The following EGF variants were observed in gnomAD, a reference collection of about 807,000 sequenced individuals.
EGF encodes pro-epidermal growth factor.
Under a neutral mutation model 143.8 loss-of-function variants are expected in EGF, and 95 were observed. That is an observed-to-expected ratio of 0.66 (90% confidence interval 0.56 to 0.78). EGF has a LOEUF of 0.78. Among genes scored for constraint, EGF ranks in the 30% least tolerant of loss-of-function variants. EGF has a pLI of 0.00. For missense variants in EGF, 1,320 were observed against 1,470.9 expected (o/e 0.90, Z 1.68); for synonymous variants, 510 against 510.5 (o/e 1.00, Z 0.01).
chr4:109,980,680 A>G (rs1206634256), intron 14 of EGF, 146 bp from the exon 15 acceptor site: 1 of 879,808 alleles, frequency 1.1e-6, no homozygotes, highest in African/African-American at 1.7e-5. Context: ...CTCTTCTGAA[A>G]TAGCTATTGA....
At position 110,011,417 on chromosome 4, in the gene EGF, G is replaced by A. The variant is rs2126206950; in HGVS notation, c.3586G>A (p.Ala1196Thr). 24 of 1,614,156 alleles carry A rather than the reference G, an allele frequency of 1.5e-5. No homozygotes were observed. The highest frequency in any genetic ancestry group is 2.0e-5 in the Non-Finnish European group (24 of 1,180,008). Residue 1196 changes from alanine (A) to threonine (T), a missense_variant, in exon 24 of 24, where the codon GCC becomes ACC. By Grantham distance (58) the Ala-to-Thr change is moderately conservative. Transcript: ENST00000265171. Reference protein sequence around the residue: ...LSANPLWQQRALDPPHQMELT... With the variant: ...LSANPLWQQRTLDPPHQMELT... ...AGCTAACCCATTATGGCAACAAAGG[G>A]CCCTGGACCCACCACACCAAATGGA... is the stretch of plus-strand genomic sequence containing the variant.
At chr4:109,964,913 G>C (rs1578279309) in intron 10 of EGF, among the ~76,000 whole-genome samples, 1 of 152,132 alleles carries the variant, frequency 6.6e-6, no homozygotes, top group African/African-American at 2.4e-5. Context: ...GGGAGGTTGA[G>C]TTTGGGGCAT....
chr4:109,962,045 C>T, intron 8 of EGF, 60 bp downstream of exon 8: 1 of 1,607,308 alleles, frequency 6.2e-7, no homozygotes, highest in Admixed American at 1.7e-5. Flanking sequence ...TGCTCAGTGA[C>T]ATCTAAAAAT....
Position 110,012,568 on chromosome 4 carries a change from TG to T in EGF, c.*1117del, listed in dbSNP as rs1264861496. ...TTTTTATTTTTATTTTTTGTAGACA[TG>T]GGGATCACACAATGTTGCCCAGGCT... On this transcript the variant is annotated 3_prime_UTR_variant, in exon 24 of 24. Coordinates refer to ENST00000265171, the MANE Select transcript of EGF (RefSeq NM_001963.6). 6.6e-6 allele frequency among the ~76,000 whole-genome samples: 1 copy of T among 152,036 alleles called. No homozygotes were observed. Among genetic ancestry groups the T allele is most frequent in the Non-Finnish European group, 1.5e-5 (1 of 67,998 alleles).
chr4:109,934,017 G>A (rs1433255747), intron 1 of EGF, among the ~76,000 whole-genome samples: 5 of 152,140 alleles, frequency 3.3e-5, no homozygotes, highest in Non-Finnish European at 4.4e-5. Context: ...CACAATGGTT[G>A]AACTAATTTA....
chr4:109,941,223 T>A, intron 2 of EGF, 78 bp downstream of exon 2: 3 of 1,322,878 alleles, frequency 2.3e-6, no homozygotes, highest in East Asian at 2.5e-5. Context: ...TCTTAATGTA[T>A]AGATAAATGA....
intron 10 of EGF, among the ~76,000 whole-genome samples, 197 bp downstream of exon 10, chr4:109,964,734 A>G (rs772426101): frequency 6.6e-6 from 1 of 152,190 alleles, no homozygotes; most frequent in East Asian, 1.9e-4. Flanking sequence ...ATGCTACCCT[A>G]GTCCTTGCTA....
At chr4:109,969,542 T>C (rs1481513590) in intron 11 of EGF, among the ~76,000 whole-genome samples, 1 of 151,988 alleles carries the variant, frequency 6.6e-6, no homozygotes, top group Non-Finnish European at 1.5e-5. Flanking sequence ...CCATGGCACA[T>C]GTATATCTAT....
chr4:109,970,824 C>CAAAAAAAAAAAAAAAAAAAAAA (rs371512157), intron 11 of EGF, among the ~76,000 whole-genome samples: 1 of 72,974 alleles, frequency 1.4e-5, no homozygotes, highest in African/African-American at 5.5e-5. Flanking sequence ...GACTCCGTCT[C>CAAAAAAAAAAAAAAAAAAAAAA]AAAAAAAAAA....
intron 1 of EGF, among the ~76,000 whole-genome samples, chr4:109,925,977 A>G (rs1177819525): frequency 6.6e-6 from 1 of 152,230 alleles, no homozygotes; most frequent in Non-Finnish European, 1.5e-5. Context: ...CCTATAAAAC[A>G]AGACTAGTCT....
intron 11 of EGF, among the ~76,000 whole-genome samples, chr4:109,971,485 C>T (rs1204107002): frequency 6.6e-6 from 1 of 152,106 alleles, no homozygotes; most frequent in Non-Finnish European, 1.5e-5. Flanking sequence ...TCATATTTCC[C>T]CACATTCACA....
chr4:109,958,357 T>TAGCC (rs1745131681), intron 5 of EGF, among the ~76,000 whole-genome samples: 1 of 152,236 alleles, frequency 6.6e-6, no homozygotes, highest in African/African-American at 2.4e-5. Context: ...GTTACTAGTT[T>TAGCC]AGCCCTTGAT....
intron 13 of EGF, among the ~76,000 whole-genome samples, chr4:109,979,498 C>T (rs967225511): frequency 1.3e-5 from 2 of 152,060 alleles, no homozygotes; most frequent in African/African-American, 4.8e-5. Context: ...TGGGGAGACT[C>T]TTATACAATT....
chr4:110,006,794 T>A (rs1753368239), intron 22 of EGF, among the ~76,000 whole-genome samples: 1 of 152,346 alleles, frequency 6.6e-6, no homozygotes, highest in Admixed American at 6.5e-5. Flanking sequence ...GCTGCTGAGC[T>A]CAGTCCCCCA....
At chr4:109,999,945 C>T in intron 21 of EGF, 99 bp downstream of exon 21, 1 of 1,531,570 alleles carries the variant, frequency 6.5e-7, no homozygotes, top group Non-Finnish European at 9.0e-7. Context: ...AGTACCTCTA[C>T]ATACTACATT....
In EGF at chr4:110,012,499, G is replaced by A. The variant is rs916587390; in HGVS notation, c.*1044G>A. 2.0e-5 allele frequency among the ~76,000 whole-genome samples: 3 copies of A among 151,964 alleles called. No individual in the cohort carries two copies. The highest frequency in any genetic ancestry group is 3.4e-3 in the Middle Eastern group (1 of 294). On this transcript the variant is annotated 3_prime_UTR_variant, in exon 24 of 24. Transcript: ENST00000265171. ...AGCAATCCTCCTGCCTCAGCCTCCC[G>A]AGTAACTAGGACCACAGGCACAGGC...
intron 13 of EGF, 55 bp downstream of exon 13, chr4:109,976,290 A>C (rs1748494839): frequency 7.0e-7 from 1 of 1,435,468 alleles, no homozygotes; most frequent in African/African-American, 1.4e-5. Context: ...TATGAGTGTT[A>C]AATACAAAAT....
At chr4:109,919,286 T>C (rs923303798) in intron 1 of EGF, among the ~76,000 whole-genome samples, 3 of 115,978 alleles carry the variant, frequency 2.6e-5, no homozygotes, top group Non-Finnish European at 5.3e-5. Flanking sequence ...CATGCTTCTC[T>C]GTCTCTCTCT....
intron 5 of EGF, among the ~76,000 whole-genome samples, chr4:109,949,196 G>A (rs752047685): frequency 6.6e-6 from 1 of 152,000 alleles, no homozygotes; most frequent in Non-Finnish European, 1.5e-5. Context: ...AGCCTCCTGA[G>A]TCACTGGGAT....
Sources: gnomAD v4.1 joint callset for allele counts (sites outside exome capture counted in the v4.1 genomes callset) on GRCh38, gnomAD v4.1.1 for gene constraint, MANE v1.5 for transcripts, NCBI Gene and HGNC (gene_info 2026-07-23, HGNC 2026-07-21) for gene names.